CA10: variants seen among roughly 807,000 people sequenced by gnomAD.
CA10 encodes carbonic anhydrase-related protein 10.
In CA10, 14 loss-of-function variants were observed where a neutral mutation model predicts 44.2. The ratio of observed to expected loss-of-function variants is 0.32; its 90% CI spans 0.21 to 0.50. CA10 has a LOEUF of 0.50. Ranked by LOEUF, CA10 falls within the 20% of genes least tolerant of loss-of-function variation. The pLI is 0.99. For synonymous variants in CA10, 159 were observed against 141.6 expected (o/e 1.12, Z -0.87); for missense variants, 350 against 409.7 (o/e 0.85, Z 1.26).
At chr17:52,076,787 T>C (rs1451878290) in intron 1 of CA10, among the ~76,000 whole-genome samples, 1 of 152,156 alleles carries the variant, frequency 6.6e-6, no homozygotes, top group East Asian at 1.9e-4. Flanking sequence ...ACCAGATCCT[T>C]GGTAGTCATC....
chr17:52,001,407 A>T (rs1034679018), intron 2 of CA10, among the ~76,000 whole-genome samples: 1 of 152,072 alleles, frequency 6.6e-6, no homozygotes, highest in Non-Finnish European at 1.5e-5. Context: ...AGCTCAACTT[A>T]GAGATCTTGG....
chr17:51,772,109 C>A (rs1905634208), intron 3 of CA10, among the ~76,000 whole-genome samples: 1 of 152,196 alleles, frequency 6.6e-6, no homozygotes, highest in Non-Finnish European at 1.5e-5. Context: ...ATAGCTGAAC[C>A]TCTCTGTGCC....
At position 52,020,113 on chromosome 17, in the gene CA10, C is replaced by A. The variant is rs187334027; in HGVS notation, c.136+52206G>T. Among the ~76,000 whole-genome samples the A allele has an allele frequency of 3.9e-3, 600 of 151,990 alleles. 2 individuals are homozygous for A. The highest frequency in any genetic ancestry group is 0.014 in the African/African-American group (574 of 41,504). Reference sequence around the variant, plus strand: ...GAATACAAATTTAGAACTGTTATATCTTTTTAGTGGATTGACCCTTTTATC... The same window carrying A: ...GAATACAAATTTAGAACTGTTATATATTTTTAGTGGATTGACCCTTTTATC... On this transcript the variant is annotated intron_variant, in intron 2 of 8. Transcript: ENST00000451037.
chr17:51,663,385 G>T (rs4794292), intron 4 of CA10, among the ~76,000 whole-genome samples: 152,168 of 152,168 alleles, frequency 1, 76,084 homozygotes, highest in Non-Finnish European at 1. Flanking sequence ...ATCCAAGAAT[G>T]AGAGATGAGG....
chr17:51,999,843 G>A (rs28451782), intron 2 of CA10, among the ~76,000 whole-genome samples: 2,691 of 152,002 alleles, frequency 0.018, 83 homozygotes, highest in African/African-American at 0.061. Flanking sequence ...GCTTCATATA[G>A]ACTGTTTATC....
chr17:52,073,075 A>C (rs1443941171), intron 1 of CA10, among the ~76,000 whole-genome samples: 1 of 152,250 alleles, frequency 6.6e-6, no homozygotes, highest in Non-Finnish European at 1.5e-5. Flanking sequence ...CAAACCCCAA[A>C]GTATACATGA....
At chr17:51,653,798 G>A in intron 4 of CA10, 62 bp from the exon 5 acceptor site, 2 of 936,166 alleles carry the variant, frequency 2.1e-6, no homozygotes, top group South Asian at 2.6e-5. Flanking sequence ...ATGAGGCATA[G>A]CACCTGCCCC....
At chr17:52,040,824 G>A (rs1986747566) in intron 2 of CA10, among the ~76,000 whole-genome samples, 1 of 152,052 alleles carries the variant, frequency 6.6e-6, no homozygotes, top group Non-Finnish European at 1.5e-5. Flanking sequence ...CCAGAAATGT[G>A]CAGATGGGTC....
At chr17:51,725,070 G>A (rs1916472632) in intron 4 of CA10, among the ~76,000 whole-genome samples, 2 of 152,186 alleles carry the variant, frequency 1.3e-5, no homozygotes, top group African/African-American at 2.4e-5. Flanking sequence ...CCTGAGACTC[G>A]AAGAGGTGAA....
At chr17:52,010,556 T>G (rs77241417) in intron 2 of CA10, among the ~76,000 whole-genome samples, 4,865 of 151,878 alleles carry the variant, frequency 0.032, 269 homozygotes, top group African/African-American at 0.11. Context: ...TCTCACTCAT[T>G]TGTGAGAACT....
intron 1 of CA10, among the ~76,000 whole-genome samples, chr17:52,154,093 G>A (rs1018073577): frequency 6.6e-6 from 1 of 152,132 alleles, no homozygotes; most frequent in Non-Finnish European, 1.5e-5. Context: ...GCTCTAAATT[G>A]TAATCATCTA....
rs558927764 is a variant in CA10, at chr17:51,681,687, C to T, written c.466-27951G>A. 1.8e-3 allele frequency among the ~76,000 whole-genome samples: 270 copies of T among 152,232 alleles called. 2 individuals are homozygous for T. The highest frequency in any genetic ancestry group is 3.1e-3 in the Non-Finnish European group (211 of 67,996). On this transcript the variant is annotated intron_variant, in intron 4 of 8. Transcript: ENST00000451037. ...AGAAAAATAAGTCGTGGCTGTTTAT[C>T]TTTTTATACAAATGTAAGGGGTACA...
chr17:52,059,463 C>A (rs1477283725), intron 2 of CA10, among the ~76,000 whole-genome samples: 1 of 152,014 alleles, frequency 6.6e-6, no homozygotes, highest in Non-Finnish European at 1.5e-5. Context: ...AGGAGGAAGA[C>A]AATTGATAAC....
intron 3 of CA10, among the ~76,000 whole-genome samples, chr17:51,805,845 G>A (rs1175347727): frequency 6.6e-6 from 1 of 152,302 alleles, no homozygotes; most frequent in Non-Finnish European, 1.5e-5. Flanking sequence ...TCCCCAGGGA[G>A]TTTTTGGTGT....
chr17:52,073,126 T>G (rs1287053082), intron 1 of CA10, among the ~76,000 whole-genome samples: 1 of 152,210 alleles, frequency 6.6e-6, no homozygotes, highest in African/African-American at 2.4e-5. Flanking sequence ...ACTACATTCA[T>G]ATTTCAATTC....
intron 1 of CA10, among the ~76,000 whole-genome samples, chr17:52,139,579 C>T (rs1366631286): frequency 6.6e-6 from 1 of 151,796 alleles, no homozygotes; most frequent in Admixed American, 6.6e-5. Context: ...GAACTAGTTA[C>T]TTAACCTCTC....
chr17:51,790,410 G>A (rs761240981), intron 3 of CA10, among the ~76,000 whole-genome samples: 4 of 152,192 alleles, frequency 2.6e-5, no homozygotes, highest in South Asian at 2.1e-4. Context: ...GAATGGATAC[G>A]TGGTTGGGAT....
intron 3 of CA10, among the ~76,000 whole-genome samples, chr17:51,806,187 C>A (rs1384964240): frequency 1.3e-5 from 2 of 152,092 alleles, no homozygotes; most frequent in Non-Finnish European, 2.9e-5. Context: ...ATACCTCAAT[C>A]CTCATTTAAA....
chr17:51,692,077 C>T (rs1915215225), intron 4 of CA10, among the ~76,000 whole-genome samples: 1 of 109,388 alleles, frequency 9.1e-6, no homozygotes, highest in Non-Finnish European at 1.8e-5. Context: ...ATCAGTAGAC[C>T]ATTCTGGGTA....
Sources: gnomAD v4.1 joint callset for allele counts (sites outside exome capture counted in the v4.1 genomes callset) on GRCh38, gnomAD v4.1.1 for gene constraint, MANE v1.5 for transcripts, NCBI Gene and HGNC (gene_info 2026-07-23, HGNC 2026-07-21) for gene names.